MOSPD2: variants seen among roughly 807,000 people sequenced by gnomAD.
MOSPD2 encodes motile sperm domain containing 2, also known as motile sperm domain-containing protein 2.
A neutral mutation model predicts 41.7 loss-of-function variants in MOSPD2; 5 were observed. The observed-to-expected ratio is 0.12, with a 90% CI of 0.06 to 0.25. The LOEUF (loss-of-function observed/expected upper bound fraction) is 0.25, where lower values mean the gene tolerates loss of function less well. Ranked by LOEUF, MOSPD2 falls within the 10% of genes least tolerant of loss-of-function variation. The pLI is 1.00. For synonymous variants in MOSPD2, 115 were observed against 126.9 expected, an observed-to-expected ratio of 0.91 and a Z score of 0.63; for missense variants, 282 against 375.2, an observed-to-expected ratio of 0.75 and a Z score of 2.05.
At chrX:14,888,758 TA>T (rs775374739) in intron 2 of MOSPD2, among the ~76,000 whole-genome samples, 69 of 107,969 alleles carry the variant, frequency 6.4e-4, no homozygotes, top group African/African-American at 2.3e-3. Flanking sequence ...AAAAATGTCC[TA>T]GGGGTGTGTG....
At chrX:14,915,858 A>C in intron 12 of MOSPD2, 94 bp downstream of exon 12, 1 of 764,776 alleles carries the variant, frequency 1.3e-6, no homozygotes, top group Non-Finnish European at 2.0e-6. Context: ...ATGTCAGGCT[A>C]GAATCTAGAA....
intron 2 of MOSPD2, among the ~76,000 whole-genome samples, chrX:14,892,362 A>G (rs373465014): frequency 6.3e-5 from 7 of 111,530 alleles, no homozygotes; most frequent in African/African-American, 2.3e-4. Flanking sequence ...AGGAGGTGCC[A>G]GGCTCTTTTC....
chrX:14,913,434 G>A (rs1442159764), intron 10 of MOSPD2, among the ~76,000 whole-genome samples: 1 of 111,632 alleles, frequency 9.0e-6, no homozygotes, highest in African/African-American at 3.3e-5. Context: ...CTCCTACACA[G>A]ACACAAGGAC....
At chrX:14,891,457 G>A (rs886545489) in intron 2 of MOSPD2, among the ~76,000 whole-genome samples, 15 of 110,437 alleles carry the variant, frequency 1.4e-4, no homozygotes, top group South Asian at 1.1e-3. Context: ...AGTAAATACC[G>A]TAATATGGCA....
chrX:14,893,248 C>A (rs56886380), intron 3 of MOSPD2: 6,314 of 120,182 alleles, frequency 0.053, 360 homozygotes, highest in African/African-American at 0.18. Flanking sequence ...TTCTCTGTCC[C>A]CACAGTTCCT....
intron 2 of MOSPD2, among the ~76,000 whole-genome samples, chrX:14,891,702 AGACTACAGGG>A (rs2092554259): frequency 9.2e-6 from 1 of 108,489 alleles, no homozygotes; most frequent in South Asian, 4.0e-4. Context: ...CTGGTAGCTG[AGACTACAGGG>A]TGCGCCACCA....
chrX:14,895,067 C>T (rs984662418), intron 3 of MOSPD2, among the ~76,000 whole-genome samples: 1 of 111,931 alleles, frequency 8.9e-6, no homozygotes, highest in Non-Finnish European at 1.9e-5. Flanking sequence ...AATGTATCCA[C>T]ATAAATAATG....
At chrX:14,911,519 T>G in intron 9 of MOSPD2, 106 bp downstream of exon 9, 6 of 531,359 alleles carry the variant, frequency 1.1e-5, no homozygotes, top group Non-Finnish European at 1.8e-5. Context: ...CCTGCTACCC[T>G]TCCACATTTT....
chrX:14,873,592 G>A (rs2092511911), intron 1 of MOSPD2, 55 bp downstream of exon 1: 1 of 1,209,044 alleles, frequency 8.3e-7, no homozygotes. Context: ...CCGCCTCTGA[G>A]GCCCGGGGAC....
In MOSPD2 at chrX:14,921,182, A is replaced by G. The variant is rs1284756870; in HGVS notation, c.*1373A>G. ...ACAGTTGTCTGCCTGTAAAATGTTG[A>G]GTTTCGATTGAGCCATGTTTGGAGA... On this transcript the variant is annotated 3_prime_UTR_variant, in exon 15 of 15. Transcript: ENST00000380492. 2 of 904,047 alleles carry G rather than the reference A, an allele frequency of 2.2e-6. No individual in the cohort carries two copies. Among genetic ancestry groups the G allele is most frequent in the African/African-American group, 4.2e-5 (2 of 48,049 alleles). 74.5% of individuals were successfully genotyped at this position (904,047 alleles called of 1,213,427 possible).
At chrX:14,905,276 A>G (rs902327462) in intron 7 of MOSPD2, among the ~76,000 whole-genome samples, 1 of 110,344 alleles carries the variant, frequency 9.1e-6, no homozygotes, top group African/African-American at 3.3e-5. Flanking sequence ...AAATTACAAA[A>G]CCCCATTTTA....
intron 2 of MOSPD2, among the ~76,000 whole-genome samples, chrX:14,884,464 G>A (rs1391797441): frequency 9.0e-6 from 1 of 111,283 alleles, no homozygotes; most frequent in Non-Finnish European, 1.9e-5. Context: ...TAAAATGTTT[G>A]ACTTCCACAC....
Position 14,873,695 on chromosome X carries a change from G to A in MOSPD2, c.16G>A (p.Ala6Thr). 1 of 1,210,574 alleles carries A rather than the reference G, an allele frequency of 8.3e-7. No homozygotes were observed. Among genetic ancestry groups the A allele is most frequent in the Non-Finnish European group, 1.1e-6 (1 of 894,454 alleles). ...CATCGTGTCTCCCATCCAGAATCAC[G>A]CCCAGAATAAAGCCAAGCTCATCTC... MAENHAQNKAKLISET... is the reference protein window; with the variant it reads MAENHTQNKAKLISET... Residue 6 changes from alanine to threonine, a missense_variant, in exon 2 of 15, where the codon GCC (alanine) becomes ACC (threonine). Physicochemically the swap from Ala to Thr is moderately conservative, Grantham distance 58. Coordinates refer to ENST00000380492, the MANE Select transcript of MOSPD2 (RefSeq NM_152581.4).
chrX:14,885,546 A>G (rs973509474), intron 2 of MOSPD2: 1 of 112,113 alleles, frequency 8.9e-6, no homozygotes, highest in East Asian at 2.8e-4. Context: ...GAAAAAGACA[A>G]TGATTTCTGC....
chrX:14,897,158 T>C lies in MOSPD2; in HGVS notation c.397T>C (p.Leu133=), dbSNP rs2092564525. 2 of 1,207,000 alleles carry C rather than the reference T, an allele frequency of 1.7e-6. No individual in the cohort carries two copies. Among genetic ancestry groups the C allele is most frequent in the Non-Finnish European group, 1.1e-6 (1 of 892,776 alleles). ...CAAAAAGAAGCTCATAGCATTCTGG[T>C]TGGAACGTTATGCTAAGAGGGAAAA... is the stretch of plus-strand genomic sequence containing the variant. ...LDKKKLIAFW[L]ERYAKRENGK... is the part of the protein sequence containing the mutation. Residue 133 remains leucine, a synonymous_variant, in exon 5 of 15, where the codon TTG becomes CTG. Transcript: ENST00000380492.
At chrX:14,908,655 A>T (rs1254360950) in intron 7 of MOSPD2, among the ~76,000 whole-genome samples, 1 of 111,833 alleles carries the variant, frequency 8.9e-6, no homozygotes, top group Non-Finnish European at 1.9e-5. Context: ...CTGAATCTTC[A>T]TGGAACATTT....
At chrX:14,886,753 A>G (rs1377149595) in intron 2 of MOSPD2, among the ~76,000 whole-genome samples, 1 of 111,762 alleles carries the variant, frequency 8.9e-6, no homozygotes, top group Non-Finnish European at 1.9e-5. Flanking sequence ...ACCAATTGTC[A>G]GATCCCACCC....
chrX:14,882,636 A>G (rs2092533566), intron 2 of MOSPD2, among the ~76,000 whole-genome samples: 1 of 111,771 alleles, frequency 8.9e-6, no homozygotes, highest in Non-Finnish European at 1.9e-5. Context: ...TTAAAAAGTT[A>G]CCAATTTTTG....
At chrX:14,888,679 G>C (rs2092547520) in intron 2 of MOSPD2, among the ~76,000 whole-genome samples, 1 of 110,880 alleles carries the variant, frequency 9.0e-6, no homozygotes, top group South Asian at 3.8e-4. Flanking sequence ...TCCCTCTATA[G>C]AACCCTGAAT....
Sources: allele counts gnomAD v4.1 joint callset (sites outside exome capture counted in the v4.1 genomes callset), GRCh38; gene constraint gnomAD v4.1.1; transcripts MANE v1.5; gene names NCBI Gene and HGNC (gene_info 2026-07-23, HGNC 2026-07-21).